SCAI: variants seen among roughly 807,000 people sequenced by gnomAD.
SCAI encodes the protein protein SCAI.
A neutral mutation model predicts 92.2 loss-of-function variants in SCAI; 24 were observed. The ratio of observed to expected loss-of-function variants is 0.26; its 90% CI spans 0.19 to 0.37. SCAI has a LOEUF of 0.37. Ranked by LOEUF, SCAI falls within the 10% of genes least tolerant of loss-of-function variation. The pLI is 1.00. For synonymous variants in SCAI, 261 were observed against 258.6 expected (o/e 1.01, Z -0.09); for missense variants, 450 against 736.2 (o/e 0.61, Z 4.50).
chr9:125,129,740 A>G (rs918307993), intron 2 of SCAI, among the ~76,000 whole-genome samples: 1 of 151,734 alleles, frequency 6.6e-6, no homozygotes, highest in Non-Finnish European at 1.5e-5. Context: ...CTGGGATTAC[A>G]GGTGTGAGCC....
At chr9:125,121,446 C>A (rs1464537876) in intron 2 of SCAI, among the ~76,000 whole-genome samples, 1 of 151,880 alleles carries the variant, frequency 6.6e-6, no homozygotes, top group African/African-American at 2.4e-5. Context: ...TGCAAAGGCT[C>A]CACCCTTAAG....
intron 17 of SCAI, among the ~76,000 whole-genome samples, chr9:124,954,038 A>G (rs1047887490): frequency 6.6e-6 from 1 of 152,154 alleles, no homozygotes; most frequent in Admixed American, 6.5e-5. Context: ...TTGTAGAGAC[A>G]GGGTCTTGCC....
At chr9:125,073,740 T>C (rs1010788404) in intron 2 of SCAI, among the ~76,000 whole-genome samples, 4 of 152,112 alleles carry the variant, frequency 2.6e-5, no homozygotes, top group African/African-American at 4.8e-5. Context: ...CTGGTCAATG[T>C]CATGTAAAGA....
chr9:125,086,176 C>G (rs997540243), intron 2 of SCAI, among the ~76,000 whole-genome samples: 1 of 152,170 alleles, frequency 6.6e-6, no homozygotes, highest in African/African-American at 2.4e-5. Context: ...TCATCCCCTT[C>G]CTAAATTGTA....
At chr9:125,051,965 T>C (rs1564394059) in intron 3 of SCAI, among the ~76,000 whole-genome samples, 1 of 152,084 alleles carries the variant, frequency 6.6e-6, no homozygotes, top group African/African-American at 2.4e-5. Context: ...GAGAACTGCT[T>C]GAACCCGGGA....
chr9:124,962,150 C>CTTT (rs752939056), intron 17 of SCAI, among the ~76,000 whole-genome samples: 43 of 63,610 alleles, frequency 6.8e-4, no homozygotes, highest in Non-Finnish European at 8.6e-4. Flanking sequence ...TAATATATGT[C>CTTT]TTTTTTTTTT....
intron 2 of SCAI, among the ~76,000 whole-genome samples, chr9:125,098,878 G>C (rs1834619202): frequency 6.6e-6 from 1 of 152,068 alleles, no homozygotes; most frequent in South Asian, 2.1e-4. Context: ...GGGTTTGTCT[G>C]TATGTGCCCT....
chr9:125,132,209 G>C (rs528355090), intron 2 of SCAI, among the ~76,000 whole-genome samples: 1 of 151,908 alleles, frequency 6.6e-6, no homozygotes, highest in African/African-American at 2.4e-5. Flanking sequence ...CAGCTCCTGG[G>C]TTTAAGCAAT....
chr9:124,994,867 T>C (rs1832205633), intron 14 of SCAI, 67 bp downstream of exon 14: 1 of 973,562 alleles, frequency 1.0e-6, no homozygotes, highest in Non-Finnish European at 1.6e-6. Flanking sequence ...AAGGCACACA[T>C]TAAGAGTGGG....
intron 2 of SCAI, among the ~76,000 whole-genome samples, chr9:125,074,096 A>T (rs1256286018): frequency 6.6e-6 from 1 of 151,594 alleles, no homozygotes; most frequent in Non-Finnish European, 1.5e-5. Flanking sequence ...CGTCTCTACT[A>T]AAAATACAAA....
intron 2 of SCAI, among the ~76,000 whole-genome samples, chr9:125,090,232 T>C (rs1834403067): frequency 6.6e-6 from 1 of 152,184 alleles, no homozygotes; most frequent in Non-Finnish European, 1.5e-5. Context: ...TAAGTTACTC[T>C]GCCTTATGCA....
chr9:125,032,195 AT>A lies in SCAI; in HGVS notation c.231-2457del, dbSNP rs71374219. The stretch of plus-strand genomic sequence containing the variant: ...AATATATATATATATATATATATAT[AT>A]TTTTTTTTTTTTTTGAGATGGAGTC... On this transcript the variant is annotated intron_variant, in intron 3 of 17. Transcript: ENST00000336505. 6.3e-3 allele frequency among the ~76,000 whole-genome samples: 625 copies of A among 99,408 alleles called. 10 individuals are homozygous for A. The South Asian group carries it at 0.069, about 11-fold the overall frequency. The allele number at this position is 99,408 out of a possible 152,430, so 65.2% of individuals were successfully genotyped here.
At chr9:125,110,637 C>T (rs1316469779) in intron 2 of SCAI, among the ~76,000 whole-genome samples, 4 of 152,148 alleles carry the variant, frequency 2.6e-5, no homozygotes, top group Non-Finnish European at 4.4e-5. Flanking sequence ...TGCTCCTGCT[C>T]CAGCCATGTA....
At chr9:125,017,056 A>G (rs1227342682) in intron 9 of SCAI, among the ~76,000 whole-genome samples, 1 of 152,170 alleles carries the variant, frequency 6.6e-6, no homozygotes, top group African/African-American at 2.4e-5. Flanking sequence ...TAAATCTGAC[A>G]AAGGACTTTC....
chr9:125,128,346 G>C (rs1835319898), intron 2 of SCAI, among the ~76,000 whole-genome samples: 1 of 151,842 alleles, frequency 6.6e-6, no homozygotes, highest in African/African-American at 2.4e-5. Flanking sequence ...TTGGCCGGGT[G>C]CGGTGGCCCA....
chr9:125,040,240 C>A (rs932878710), intron 3 of SCAI, among the ~76,000 whole-genome samples: 1 of 152,044 alleles, frequency 6.6e-6, no homozygotes, highest in Non-Finnish European at 1.5e-5. Flanking sequence ...GCCTGTGGTC[C>A]CAGCTACTTG....
In SCAI at chr9:125,046,234, CAT is replaced by C. The variant is rs1211699763; in HGVS notation, c.230+9640_230+9641del. 3.2e-4 allele frequency among the ~76,000 whole-genome samples: 22 copies of C among 68,652 alleles called. No homozygotes were observed. The East Asian group carries it at 0.01, about 32-fold the overall frequency. The allele number at this position is 68,652 out of a possible 152,430, so 45.0% of individuals were successfully genotyped here. ...ATATATATATATATATGCACACACA[CAT>C]ATATATACATATATATACACATATA... On this transcript the variant is annotated intron_variant, in intron 3 of 17. Transcript: ENST00000336505.
chr9:125,069,371 C>G (rs1473929949), intron 2 of SCAI, among the ~76,000 whole-genome samples: 1 of 147,712 alleles, frequency 6.8e-6, no homozygotes, highest in African/African-American at 2.5e-5. Context: ...AGGCTGGAGT[C>G]CAGTGGCGTG....
intron 17 of SCAI, among the ~76,000 whole-genome samples, chr9:124,953,561 G>T (rs1290266919): frequency 6.6e-6 from 1 of 152,140 alleles, no homozygotes; most frequent in East Asian, 1.9e-4. Flanking sequence ...GGGAGGCGGA[G>T]GTTGCAGTGA....
Sources: allele counts gnomAD v4.1 joint callset (sites outside exome capture counted in the v4.1 genomes callset), GRCh38; gene constraint gnomAD v4.1.1; transcripts MANE v1.5; gene names NCBI Gene and HGNC (gene_info 2026-07-23, HGNC 2026-07-21).